The following KCNAB1 variants were observed in gnomAD, a reference collection of about 807,000 sequenced individuals.
The protein encoded by KCNAB1 is voltage-gated potassium channel subunit beta-1.
A neutral mutation model predicts 64.6 loss-of-function variants in KCNAB1; 35 were observed. The observed-to-expected ratio is 0.54, with a 90% confidence interval of 0.41 to 0.72. KCNAB1 has a LOEUF of 0.72. Among genes scored for constraint, KCNAB1 ranks in the 30% least tolerant of loss-of-function variants. The pLI is 0.00. For missense variants in KCNAB1, 401 were observed against 512.9 expected, an observed-to-expected ratio of 0.78 and a Z score of 2.11; for synonymous variants, 177 against 183.8, an observed-to-expected ratio of 0.96 and a Z score of 0.30.
chr3:156,188,720 T>C (rs1197699459), intron 1 of KCNAB1, among the ~76,000 whole-genome samples: 1 of 152,232 alleles, frequency 6.6e-6, no homozygotes, highest in Non-Finnish European at 1.5e-5. Flanking sequence ...TAACAACGTA[T>C]GTTTGAAAAT....
At chr3:156,523,470 C>CT (rs34386084) in intron 11 of KCNAB1, among the ~76,000 whole-genome samples, 13,187 of 149,854 alleles carry the variant, frequency 0.088, 652 homozygotes, top group Non-Finnish European at 0.12. Context: ...TGTAAATGTA[C>CT]TTTTTTTTTT....
intron 1 of KCNAB1, among the ~76,000 whole-genome samples, chr3:156,323,452 T>C (rs1050815968): frequency 3.3e-5 from 5 of 152,186 alleles, no homozygotes; most frequent in African/African-American, 1.2e-4. Flanking sequence ...ACTGTAAAAA[T>C]GCTTAACTCA....
chr3:156,345,452 C>T (rs1308437641), intron 1 of KCNAB1, among the ~76,000 whole-genome samples: 1 of 152,132 alleles, frequency 6.6e-6, no homozygotes, highest in Non-Finnish European at 1.5e-5. Context: ...TGTATTATGG[C>T]CTACAAAGCT....
intron 2 of KCNAB1, among the ~76,000 whole-genome samples, chr3:156,422,562 A>C (rs1715533372): frequency 6.6e-6 from 1 of 152,250 alleles, no homozygotes; most frequent in South Asian, 2.1e-4. Flanking sequence ...TAGAAAAATG[A>C]GAGAGAAATT....
chr3:156,523,659 A>G (rs1718103170), intron 11 of KCNAB1, 168 bp from the exon 12 acceptor site: 1 of 662,736 alleles, frequency 1.5e-6, no homozygotes, highest in Admixed American at 2.5e-5. Context: ...ACAAGGAGCA[A>G]GATCGTGAGG....
intron 4 of KCNAB1, among the ~76,000 whole-genome samples, chr3:156,459,191 C>T (rs1433889835): frequency 2.6e-5 from 4 of 152,154 alleles, no homozygotes; most frequent in Non-Finnish European, 5.9e-5. Flanking sequence ...TCTTGGGTCC[C>T]AGCCTGGGTA....
intron 1 of KCNAB1, 40 bp downstream of exon 1, chr3:156,120,926 G>T: frequency 6.2e-7 from 1 of 1,602,616 alleles, no homozygotes; most frequent in Non-Finnish European, 8.5e-7. Flanking sequence ...GGGAGACGCC[G>T]TTCGAAGGTG....
intron 1 of KCNAB1, among the ~76,000 whole-genome samples, chr3:156,368,130 G>A (rs1293449257): frequency 6.6e-6 from 1 of 152,178 alleles, no homozygotes; most frequent in Non-Finnish European, 1.5e-5. Flanking sequence ...TTGGATTTCA[G>A]ATAAACCGTG....
chr3:156,120,420 C>T (rs578175260), upstream of KCNAB1: 15 of 678,110 alleles, frequency 2.2e-5, no homozygotes, highest in South Asian at 2.3e-4. Context: ...GGCCAGCTTA[C>T]CTCTTCACTA....
intron 1 of KCNAB1, among the ~76,000 whole-genome samples, chr3:156,298,625 C>T (rs1023122956): frequency 1.3e-5 from 2 of 152,084 alleles, no homozygotes; most frequent in African/African-American, 4.8e-5. Context: ...AATTTATGAA[C>T]AGTATGAGAT....
intron 1 of KCNAB1, among the ~76,000 whole-genome samples, chr3:156,366,986 G>C (rs1030192551): frequency 5.3e-5 from 8 of 152,068 alleles, no homozygotes; most frequent in Non-Finnish European, 1.2e-4. Context: ...CAAAAAACCT[G>C]CACTAAAAGC....
intron 1 of KCNAB1, among the ~76,000 whole-genome samples, chr3:156,354,106 ATATATGTG>A: frequency 8.1e-6 from 1 of 123,156 alleles, no homozygotes; most frequent in African/African-American, 3.3e-5. Flanking sequence ...ATATATGTAT[ATATATGTG>A]TGTGTGTATA....
intron 11 of KCNAB1, among the ~76,000 whole-genome samples, chr3:156,523,124 T>C (rs974527860): frequency 2.0e-5 from 3 of 152,234 alleles, no homozygotes; most frequent in African/African-American, 4.8e-5. Flanking sequence ...TTTCTTCTCA[T>C]TGGCTTTAAA....
chr3:156,520,406 C>T (rs1014844369), intron 11 of KCNAB1, among the ~76,000 whole-genome samples: 1 of 152,044 alleles, frequency 6.6e-6, no homozygotes, highest in African/African-American at 2.4e-5. Context: ...AATGACGAAA[C>T]CCCATCTCTA....
chr3:156,130,274 A>AT (rs1233574176), intron 1 of KCNAB1, among the ~76,000 whole-genome samples: 2 of 152,226 alleles, frequency 1.3e-5, no homozygotes, highest in African/African-American at 4.8e-5. Flanking sequence ...GCTTAAGAGC[A>AT]TGGTTACCCC....
intron 8 of KCNAB1, among the ~76,000 whole-genome samples, chr3:156,486,450 A>G (rs1301762587): frequency 6.6e-6 from 1 of 152,160 alleles, no homozygotes; most frequent in Non-Finnish European, 1.5e-5. Flanking sequence ...CTGCCTCTTC[A>G]TTGCCACCCT....
chr3:156,295,317 G>A (rs1423977358), intron 1 of KCNAB1, among the ~76,000 whole-genome samples: 2 of 152,142 alleles, frequency 1.3e-5, no homozygotes, highest in African/African-American at 2.4e-5. Flanking sequence ...CCTGGCAGCT[G>A]AGGACCTACT....
chr3:156,424,104 G>A (rs917805892), intron 2 of KCNAB1, among the ~76,000 whole-genome samples: 2 of 152,138 alleles, frequency 1.3e-5, no homozygotes, highest in Non-Finnish European at 2.9e-5. Flanking sequence ...TAAGAAACTT[G>A]GAGGTGAAGG....
At chr3:156,510,891 GC>G (rs1210259737) in intron 8 of KCNAB1, among the ~76,000 whole-genome samples, 1 of 152,094 alleles carries the variant, frequency 6.6e-6, no homozygotes, top group Non-Finnish European at 1.5e-5. Flanking sequence ...CCAGCATCCT[GC>G]ATGGGTCCTC....
Sources: gnomAD v4.1 joint callset for allele counts (sites outside exome capture counted in the v4.1 genomes callset) on GRCh38, gnomAD v4.1.1 for gene constraint, MANE v1.5 for transcripts, NCBI Gene and HGNC (gene_info 2026-07-23, HGNC 2026-07-21) for gene names.